CUL9: variants seen among roughly 807,000 people sequenced by gnomAD.
CUL9 encodes the protein cullin-9.
CUL9 carries 79 observed loss-of-function variants against 272.6 expected under a neutral mutation model. The ratio of observed to expected loss-of-function variants is 0.29; its 90% confidence interval spans 0.24 to 0.35. The LOEUF (loss-of-function observed/expected upper bound fraction) is 0.35. Among genes scored for constraint, CUL9 ranks in the 10% least tolerant of loss-of-function variants. CUL9 has a pLI of 1.00. For missense variants in CUL9, 2,532 were observed against 3,255.6 expected (o/e 0.78, Z 5.41); for synonymous variants, 1,186 against 1,286.5 (o/e 0.92, Z 1.67).
In CUL9 at chr6:43,187,877, G is replaced by A. The variant is rs756632684; in HGVS notation, c.1746G>A (p.Ser582=). ...TGCTGTCTAATGAACCAAGCAGCTC[G>A]TCTACTTCACGAAATCACTCCTGTA... ...YGLLSNEPSS[S]STSRNHSCTP... The change falls in exon 7 of 41, where the codon TCG becomes TCA. Residue 582 remains serine, a synonymous_variant. Transcript: ENST00000252050. 32 of 1,613,914 alleles carry A rather than the reference G, an allele frequency of 2.0e-5. No individual in the cohort carries two copies. Among genetic ancestry groups the A allele is most frequent in the Non-Finnish European group, 2.4e-5 (28 of 1,180,018 alleles).
At position 43,196,404 on chromosome 6, in the gene CUL9, G is replaced by A. The variant is rs945855751; in HGVS notation, c.2585+139G>A. On this transcript the variant is annotated intron_variant, in intron 10 of 40. Transcript: ENST00000252050. ...TTAAGCATTGGTGGCGCTGCCAACTGTTGTTGGAGGAGAACCCAAGTGGAT... is the reference window on the plus strand; with the variant it reads ...TTAAGCATTGGTGGCGCTGCCAACTATTGTTGGAGGAGAACCCAAGTGGAT... The A allele has an allele frequency of 3.3e-6, 3 of 903,518 alleles. No homozygotes were observed. In the Admixed American group the frequency reaches 8.0e-5, roughly 24 times the overall value. The allele number at this position is 903,518 out of a possible 1,614,324, so 56.0% of individuals were successfully genotyped here.
In CUL9 at chr6:43,221,008, C is replaced by T; in HGVS notation, c.6588+97C>T. 1 of 1,477,948 alleles carries T rather than the reference C, an allele frequency of 6.8e-7. No individual in the cohort carries two copies. The highest frequency in any genetic ancestry group is 1.3e-5 in the South Asian group (1 of 75,476). The allele number at this position is 1,477,948 out of a possible 1,614,324, so 91.6% of individuals were successfully genotyped here. ...GCCACACACACAGACTGTGACTTGT[C>T]CTTCCTCAGCCTCTGCCACCCAGTT... On this transcript the variant is annotated intron_variant, in intron 33 of 40. Transcript: ENST00000252050. This position sits in a 1 kb window ranked among gnomAD's most constrained non-coding sequence, Gnocchi z 4.2.
Position 43,192,059 on chromosome 6 carries a change from C to CTTTT in CUL9, c.2181-925_2181-922dup, listed in dbSNP as rs777284621. ...TAATAGGCAAGCCTACCCCTTTTCTCTTTTTTTTTTTTTTTTTTTTGAGAC... is the reference window on the plus strand; with the variant it reads ...TAATAGGCAAGCCTACCCCTTTTCTCTTTTTTTTTTTTTTTTTTTTTTTTGAGAC... On this transcript the variant is annotated intron_variant, in intron 8 of 40. Transcript: ENST00000252050. Among the ~76,000 whole-genome samples, 214 of 118,600 alleles carry CTTTT rather than the reference C, an allele frequency of 1.8e-3. 5 individuals carry two copies. Among genetic ancestry groups the CTTTT allele is most frequent in the African/African-American group, 4.7e-3 (136 of 28,936 alleles). The allele number at this position is 118,600 out of a possible 152,430, so 77.8% of individuals were successfully genotyped here. A position where few individuals can be genotyped will look rare whatever the true frequency, so the allele number is the denominator to read the frequency against.
chr6:43,223,355 G>T lies in CUL9; in HGVS notation c.7242G>T (p.Arg2414=), dbSNP rs901875409. The T allele has an allele frequency of 6.2e-7, 1 of 1,601,462 alleles. No individual in the cohort carries two copies. Among genetic ancestry groups the T allele is most frequent in the Admixed American group, 1.7e-5 (1 of 58,296 alleles). The change falls in exon 39 of 41, where the codon CGG becomes CGT. Residue 2414 remains arginine, a synonymous_variant. Transcript: ENST00000252050. The surrounding 1 kb of genome is among the most constrained non-coding windows in gnomAD (Gnocchi z 4.1). Reference sequence around the variant, plus strand: ...GCACGGGCATGGAGCTGCTCCGGCGGATCCAGGAGAGGCTGCTTGCCATCC... The same window carrying T: ...GCACGGGCATGGAGCTGCTCCGGCGTATCCAGGAGAGGCTGCTTGCCATCC... ...CLSTGMELLR[R]IQERLLAILQ... is the part of the protein sequence containing the mutation.
Position 43,221,584 on chromosome 6 carries a change from C to G in CUL9, c.6753-101C>G, listed in dbSNP as rs1265992841. On this transcript the variant is annotated intron_variant, in intron 34 of 40. Coordinates refer to ENST00000252050, the MANE Select transcript of CUL9 (RefSeq NM_015089.4). The surrounding 1 kb of genome is among the most constrained non-coding windows in gnomAD (Gnocchi z 4.2). ...ACTAAGGAGACTATCAGGGCAGGAGCAGAGGCCACAGCATCAACAGCGGTA... is the reference window on the plus strand; with the variant it reads ...ACTAAGGAGACTATCAGGGCAGGAGGAGAGGCCACAGCATCAACAGCGGTA... The G allele has an allele frequency of 2.7e-6, 3 of 1,116,494 alleles. No homozygotes were observed. Among genetic ancestry groups the G allele is most frequent in the African/African-American group, 1.5e-5 (1 of 64,992 alleles). The allele number at this position is 1,116,494 out of a possible 1,614,324, so 69.2% of individuals were successfully genotyped here. A position where few individuals can be genotyped will look rare whatever the true frequency, so the allele number is the denominator to read the frequency against.
chr6:43,205,521 G>C, intron 24 of CUL9, 98 bp downstream of exon 24: 1 of 1,391,944 alleles, frequency 7.2e-7, no homozygotes, highest in Non-Finnish European at 9.9e-7. Flanking sequence ...AGGCTGTGTA[G>C]AGGAGAGATT....
intron 29 of CUL9, among the ~76,000 whole-genome samples, chr6:43,214,235 C>T (rs1365312873): frequency 2.0e-5 from 3 of 151,520 alleles, no homozygotes; most frequent in Non-Finnish European, 4.4e-5. Flanking sequence ...GCCTGGCCAA[C>T]ATGGCGAAAC....
At chr6:43,182,430 T>G (rs1772474744) in intron 1 of CUL9, among the ~76,000 whole-genome samples, 181 bp downstream of exon 1, 25 of 128,714 alleles carry the variant, frequency 1.9e-4, no homozygotes, top group South Asian at 1.5e-3. Context: ...CCCAAACCCG[T>G]TCCCTCTGCG....
At chr6:43,192,637 T>C (rs113113059) in intron 8 of CUL9, among the ~76,000 whole-genome samples, 53,413 of 152,088 alleles carry the variant, frequency 0.35, 12,562 homozygotes, top group African/African-American at 0.68. Flanking sequence ...GATCGCGCCA[T>C]TGCACTCCAG....
Position 43,215,338 on chromosome 6 carries a change from A to G in CUL9, c.5936+12A>G. ...ACCTCCAAGCCCAGGTAGCCACTGC[A>G]CCTGACCCCTTGCAGTGAGGCGGGA... On this transcript the variant is annotated intron_variant, in intron 30 of 40. Transcript: ENST00000252050. The G allele has an allele frequency of 6.3e-7, 1 of 1,595,310 alleles. No individual in the cohort carries two copies. Among genetic ancestry groups the G allele is most frequent in the Non-Finnish European group, 8.5e-7 (1 of 1,171,468 alleles).
intron 24 of CUL9, 51 bp downstream of exon 24, chr6:43,205,474 T>C (rs1171806562): frequency 6.3e-7 from 1 of 1,579,814 alleles, no homozygotes; most frequent in South Asian, 1.1e-5. Flanking sequence ...ATCTAGAGAG[T>C]GGAAAGATTT....
intron 9 of CUL9, among the ~76,000 whole-genome samples, chr6:43,194,900 A>T (rs961418011): frequency 2.0e-5 from 3 of 152,090 alleles, no homozygotes; most frequent in African/African-American, 7.2e-5. Flanking sequence ...TACTAAAAAC[A>T]CAAAATTAGC....
intron 12 of CUL9, 138 bp downstream of exon 12, chr6:43,198,993 A>G (rs1289993268): frequency 1.2e-5 from 14 of 1,180,996 alleles, no homozygotes; most frequent in Middle Eastern, 2.9e-4. Flanking sequence ...CTGGAGTGCA[A>G]TGGCACGATC....
intron 24 of CUL9, 62 bp from the exon 25 acceptor site, chr6:43,205,945 G>A (rs935181842): frequency 1.7e-5 from 25 of 1,454,646 alleles, no homozygotes; most frequent in African/African-American, 2.8e-5. Context: ...ACATTCTCGA[G>A]GGGGAGGCTG....
chr6:43,185,478 A>G lies in CUL9; in HGVS notation c.618A>G (p.Leu206=), dbSNP rs775190952. The G allele has an allele frequency of 2.5e-6, 4 of 1,613,974 alleles. No homozygotes were observed. The South Asian group carries it at 4.4e-5, about 18-fold the overall frequency. The part of the protein sequence containing the change: ...HDAGSRAHVL[L]SLSQQDGIEQ... ...CAGGGAGTCGGGCTCACGTCCTTCT[A>G]TCACTGAGCCAGCAAGATGGCATCG... The change falls in exon 3 of 41, where the codon CTA becomes CTG. Residue 206 remains leucine (L), a synonymous_variant. Coordinates refer to ENST00000252050, the MANE Select transcript of CUL9 (RefSeq NM_015089.4).
rs918092185 is a variant in CUL9, at chr6:43,220,050, G to A, written c.6283-409G>A. ...GACGGTCATTGGAGATAAGCCACTG[G>A]AGCTGGGAGGAGAGACCAGAGCTGT... On this transcript the variant is annotated intron_variant, in intron 31 of 40. Coordinates refer to ENST00000252050, the MANE Select transcript of CUL9 (RefSeq NM_015089.4). This position sits in a 1 kb window ranked among gnomAD's most constrained non-coding sequence, Gnocchi z 4.9. Among the ~76,000 whole-genome samples the A allele has an allele frequency of 6.6e-6, 1 of 152,170 alleles. No individual in the cohort carries two copies. The highest frequency in any genetic ancestry group is 1.5e-5 in the Non-Finnish European group (1 of 68,034).
chr6:43,213,223 C>A lies in CUL9; in HGVS notation c.5287C>A (p.Gln1763Lys), dbSNP rs1775661201. ...GACGTGGCTGGGCCGGGCTGAGCTG[C>A]AGTTTGGGAAGCAGATACTGCATGT... ...QWTWLGRAEL[Q>K]FGKQILHVST... Residue 1763 changes from glutamine (Q) to lysine (K), a missense_variant, in exon 27 of 41, where the codon CAG becomes AAG. Around this residue, in one of 3 missense-constraint regions of CUL9, gnomAD observed 2,218 missense variants for 2,788.6 expected, o/e 0.80. Transcript: ENST00000252050. This position sits in a 1 kb window ranked among gnomAD's most constrained non-coding sequence, Gnocchi z 5.7. The A allele has an allele frequency of 3.7e-6, 6 of 1,613,992 alleles. No individual in the cohort carries two copies. The highest frequency in any genetic ancestry group is 4.2e-6 in the Non-Finnish European group (5 of 1,180,030).
At position 43,196,111 on chromosome 6, in the gene CUL9, A is replaced by G. The variant is rs1461417367; in HGVS notation, c.2431A>G (p.Thr811Ala). The G allele has an allele frequency of 6.2e-7, 1 of 1,613,700 alleles. No individual in the cohort carries two copies. The highest frequency in any genetic ancestry group is 1.7e-5 in the Admixed American group (1 of 59,962). ...LAVASSSEIP[T>A]FVTGRDSIHS... Reference sequence around the variant, plus strand: ...CGTCGCCAGCTCCTCGGAGATCCCCACTTTTGTTACTGGCCGAGATTCTAT... The same window carrying G: ...CGTCGCCAGCTCCTCGGAGATCCCCGCTTTTGTTACTGGCCGAGATTCTAT... Residue 811 changes from threonine (T) to alanine (A), a missense_variant, in exon 10 of 41, where the codon ACT becomes GCT. Transcript: ENST00000252050.
At chr6:43,208,567 G>T (rs1562048132) in intron 26 of CUL9, among the ~76,000 whole-genome samples, 1 of 152,156 alleles carries the variant, frequency 6.6e-6, no homozygotes, top group Non-Finnish European at 1.5e-5. Flanking sequence ...GACCATGCAG[G>T]TTTAGAAATT....
Sources: gnomAD v4.1 joint callset for allele counts (sites outside exome capture counted in the v4.1 genomes callset) on GRCh38, gnomAD v4.1.1 for gene constraint, gnomAD v4.1.1 regional missense constraint, Gnocchi (gnomAD v3.1) non-coding constraint, MANE v1.5 for transcripts, NCBI Gene and HGNC (gene_info 2026-07-23, HGNC 2026-07-21) for gene names.